Variants in CLIP4 observed in about 807,000 individuals in gnomAD.
CLIP4 encodes CAP-Gly domain containing linker protein family member 4, also known as CAP-Gly domain-containing linker protein 4.
In CLIP4, 47 loss-of-function variants were observed where a neutral mutation model predicts 73.1. The ratio of observed to expected loss-of-function variants is 0.64; its 90% CI spans 0.51 to 0.82. The LOEUF (loss-of-function observed/expected upper bound fraction) is 0.82, where lower values mean the gene tolerates loss of function less well. CLIP4 is among the 40% of genes least tolerant of loss of function. CLIP4 has a pLI of 0.00. For missense variants in CLIP4, 874 were observed against 852.9 expected (o/e 1.02, Z -0.31); for synonymous variants, 306 against 295.4 (o/e 1.04, Z -0.37).
intron 1 of CLIP4, among the ~76,000 whole-genome samples, chr2:29,102,845 C>T (rs974827191): frequency 5.3e-5 from 8 of 152,252 alleles, no homozygotes; most frequent in East Asian, 3.9e-4. Context: ...AGGCTGGTCA[C>T]GAACTCAAGT....
chr2:29,111,361 TGGTA>T (rs1668382479), upstream of CLIP4, among the ~76,000 whole-genome samples: 1 of 152,226 alleles, frequency 6.6e-6, no homozygotes, highest in Non-Finnish European at 1.5e-5. Flanking sequence ...CAAGCTACAC[TGGTA>T]GCTGGAAACT....
chr2:29,169,389 A>G (rs547139125), intron 14 of CLIP4, among the ~76,000 whole-genome samples: 1 of 151,242 alleles, frequency 6.6e-6, no homozygotes, highest in South Asian at 2.1e-4. Context: ...CACTCTCCTC[A>G]TAAAGACACT....
At chr2:29,116,361 C>A (rs1383863735) in intron 1 of CLIP4, among the ~76,000 whole-genome samples, 1 of 152,218 alleles carries the variant, frequency 6.6e-6, no homozygotes, top group African/African-American at 2.4e-5. Flanking sequence ...GGATGATGTT[C>A]CTATGGGACA....
chr2:29,149,173 G>T (rs1224003638), intron 8 of CLIP4, among the ~76,000 whole-genome samples: 1 of 152,158 alleles, frequency 6.6e-6, no homozygotes, highest in Admixed American at 6.5e-5. Flanking sequence ...CGTGGCTACG[G>T]TTCAATAAAA....
chr2:29,160,271 CTCCCTTTGTTTTTT>C, intron 11 of CLIP4, 48 bp from the exon 12 acceptor site: 2 of 1,609,442 alleles, frequency 1.2e-6, no homozygotes, highest in Non-Finnish European at 1.7e-6. Context: ...TTGAGTTTTT[CTCCCTTTGTTTTTT>C]CTCCTCTTTT....
At chr2:29,098,930 G>A (rs1667956102) in intron 1 of CLIP4, among the ~76,000 whole-genome samples, 1 of 151,288 alleles carries the variant, frequency 6.6e-6, no homozygotes, top group Non-Finnish European at 1.5e-5. Flanking sequence ...GCATCTCATG[G>A]TTGTTTTAAT....
Position 29,160,384 on chromosome 2 carries a change from A to C in CLIP4, c.1451A>C (p.Glu484Ala). 6.2e-7 allele frequency: 1 copy of C among 1,614,068 alleles called. No individual in the cohort carries two copies. Among genetic ancestry groups the C allele is most frequent in the South Asian group, 1.1e-5 (1 of 91,076 alleles). ...STANNSRCEG[E>A]LRLGERVLVV... is the part of the protein sequence containing the mutation. ...GCAAATAATAGCCGTTGCGAGGGGG[A>C]ACTCCGCCTCGGAGAGAGAGTGTTA... is the stretch of plus-strand genomic sequence containing the variant. The change falls in exon 12 of 16, where the codon GAA (glutamate) becomes GCA (alanine). Residue 484 changes from glutamate (E) to alanine (A), a missense_variant. Physicochemically the swap from Glu to Ala is moderately radical, Grantham distance 107. Coordinates refer to ENST00000320081, the MANE Select transcript of CLIP4 (RefSeq NM_024692.6).
At chr2:29,125,914 C>T (rs990879368) in intron 2 of CLIP4, among the ~76,000 whole-genome samples, 1 of 152,182 alleles carries the variant, frequency 6.6e-6, no homozygotes, top group Non-Finnish European at 1.5e-5. Context: ...GTAGCTCACA[C>T]TTGTAATCCC....
chr2:29,157,815 A>G (rs1045386587), intron 11 of CLIP4, among the ~76,000 whole-genome samples: 2 of 152,216 alleles, frequency 1.3e-5, no homozygotes. Flanking sequence ...ATTTGTAAAG[A>G]TACGTAAAAC....
At chr2:29,113,142 G>C (rs1182218702), upstream of CLIP4, among the ~76,000 whole-genome samples, 1 of 152,218 alleles carries the variant, frequency 6.6e-6, no homozygotes, top group Admixed American at 6.5e-5. The surrounding 1 kb of genome is among the most constrained non-coding windows in gnomAD (Gnocchi z 4.0). Context: ...CAGCCTCCCA[G>C]AGTCTGCTTC....
At chr2:29,154,392 G>A (rs996049674) in intron 9 of CLIP4, among the ~76,000 whole-genome samples, 4 of 152,114 alleles carry the variant, frequency 2.6e-5, no homozygotes, top group Non-Finnish European at 2.9e-5. Flanking sequence ...ACGTGGTATG[G>A]ATGGGCAGCT....
chr2:29,182,867 G>A lies in CLIP4; in HGVS notation c.*974G>A, dbSNP rs888719684. 2.0e-5 allele frequency: 3 copies of A among 152,492 alleles called. No individual in the cohort carries two copies. The highest frequency in any genetic ancestry group is 4.4e-5 in the Non-Finnish European group (3 of 68,026). 9.4% of individuals were successfully genotyped at this position (152,492 alleles called of 1,614,324 possible). The stretch of plus-strand genomic sequence containing the variant: ...GGATATGAGAAACATTTTAAAAAAC[G>A]TATTTAACAGAAGAGAGCAAATAAA... On this transcript the variant is annotated 3_prime_UTR_variant, in exon 16 of 16. Coordinates refer to ENST00000320081, the MANE Select transcript of CLIP4 (RefSeq NM_024692.6).
rs770539151 is a variant in CLIP4 at position 29,143,794 on chromosome 2, A to G, written c.734A>G (p.Lys245Arg). Reference protein sequence around the residue: ...LEMADAAATAKEIKQMLLDAV... With the variant: ...LEMADAAATAREIKQMLLDAV... ...ATGGCTGACGCCGCAGCCACTGCTAAGGAAATCAAGCAGATGCTTCTAGAT... is the reference window on the plus strand; with the variant it reads ...ATGGCTGACGCCGCAGCCACTGCTAGGGAAATCAAGCAGATGCTTCTAGAT... The change falls in exon 7 of 16, where the codon AAG becomes AGG. Residue 245 changes from lysine to arginine, a missense_variant. Transcript: ENST00000320081. 1.9e-6 allele frequency: 3 copies of G among 1,614,186 alleles called. No individual in the cohort carries two copies. The highest frequency in any genetic ancestry group is 2.5e-6 in the Non-Finnish European group (3 of 1,179,990).
At chr2:29,141,709 T>C (rs969264900) in intron 6 of CLIP4, among the ~76,000 whole-genome samples, 2 of 152,174 alleles carry the variant, frequency 1.3e-5, no homozygotes, top group African/African-American at 4.8e-5. Context: ...TGTCATTACC[T>C]GTGCAATAGG....
At position 29,161,376 on chromosome 2, in the gene CLIP4, A is replaced by G. The variant is rs150926572; in HGVS notation, c.1534+909A>G. The stretch of plus-strand genomic sequence containing the variant: ...AGATAGCAATATGCTATTTTAACAC[A>G]TGGTGGCATTGCAGCATTTTAGGAA... On this transcript the variant is annotated intron_variant, in intron 12 of 15. Transcript: ENST00000320081. Among the ~76,000 whole-genome samples, 537 of 152,318 alleles carry G rather than the reference A, an allele frequency of 3.5e-3. 2 individuals carry two copies. Among genetic ancestry groups the G allele is most frequent in the Non-Finnish European group, 5.6e-3 (380 of 68,024 alleles).
chr2:29,170,364 T>G (rs1316497091), intron 14 of CLIP4, among the ~76,000 whole-genome samples: 18 of 152,224 alleles, frequency 1.2e-4, no homozygotes, highest in Admixed American at 1.0e-3. Context: ...AACTACTGCC[T>G]ATTCCCAACA....
chr2:29,161,908 C>T (rs1558569307), intron 12 of CLIP4, among the ~76,000 whole-genome samples: 1 of 152,160 alleles, frequency 6.6e-6, no homozygotes, highest in African/African-American at 2.4e-5. Context: ...GGACCATAGG[C>T]GACTGTCTCC....
Position 29,121,450 on chromosome 2 carries a change from C to T in CLIP4, c.62C>T (p.Pro21Leu). ...LEGNPLFGRY[P>L]FIFSASDTPV... ...GGAAATCCTTTGTTTGGAAGATACC[C>T]ATTTATATTTTCTGCTTCTGATACC... Residue 21 changes from proline to leucine, a missense_variant, in exon 2 of 16, where the codon CCA becomes CTA. Pro to Leu is a moderately conservative substitution (Grantham distance 98, BLOSUM62 -3). Transcript: ENST00000320081. 1 of 1,613,680 alleles carries T rather than the reference C, an allele frequency of 6.2e-7. No homozygotes were observed. Among genetic ancestry groups the T allele is most frequent in the Non-Finnish European group, 8.5e-7 (1 of 1,179,782 alleles).
chr2:29,162,356 T>C (rs1667347308), intron 12 of CLIP4, among the ~76,000 whole-genome samples: 1 of 152,142 alleles, frequency 6.6e-6, no homozygotes, highest in Non-Finnish European at 1.5e-5. Flanking sequence ...ATATCTTAAG[T>C]ATTTGGAGGT....
Sources: gnomAD v4.1 joint callset for allele counts (sites outside exome capture counted in the v4.1 genomes callset) on GRCh38, gnomAD v4.1.1 for gene constraint, Gnocchi (gnomAD v3.1) non-coding constraint, MANE v1.5 for transcripts, NCBI Gene and HGNC (gene_info 2026-07-23, HGNC 2026-07-21) for gene names.